The following VPS53 variants were observed in gnomAD, a reference collection of about 807,000 sequenced individuals.
VPS53 encodes vacuolar protein sorting-associated protein 53 homolog.
Under a neutral mutation model 107.0 loss-of-function variants are expected in VPS53, and 70 were observed. The observed-to-expected ratio is 0.65, with a 90% CI of 0.54 to 0.80. The LOEUF is 0.80. VPS53 is among the 30% of genes least tolerant of loss of function. VPS53 has a pLI of 0.00. For synonymous variants in VPS53, 409 were observed against 393.3 expected (o/e 1.04, Z -0.47); for missense variants, 917 against 1,049.4 (o/e 0.87, Z 1.74).
In VPS53 at chr17:714,763, G is replaced by A; in HGVS notation, c.-54C>T. ...GCCGCGAGCCCAACTCAGGCCTCCA[G>A]CCGCCACCCAGGCCCCAGCACAGCA... On this transcript the variant is annotated 5_prime_UTR_variant, in exon 1 of 22. Coordinates refer to ENST00000437048, the MANE Select transcript of VPS53 (RefSeq NM_001128159.3). The A allele has an allele frequency of 1.3e-6, 2 of 1,597,760 alleles. No homozygotes were observed. The highest frequency in any genetic ancestry group is 1.7e-6 in the Non-Finnish European group (2 of 1,166,362).
chr17:570,437 G>A (rs1913938534), intron 13 of VPS53, among the ~76,000 whole-genome samples: 1 of 150,372 alleles, frequency 6.7e-6, no homozygotes, highest in Non-Finnish European at 1.5e-5. Flanking sequence ...GGCATTCTGT[G>A]CCTCCTGATA....
intron 15 of VPS53, among the ~76,000 whole-genome samples, chr17:558,701 C>A (rs1188184208): frequency 6.6e-6 from 1 of 150,884 alleles, no homozygotes; most frequent in Non-Finnish European, 1.5e-5. Context: ...AGTTATGGTA[C>A]AAGGCCGGGC....
chr17:680,156 T>A (rs886163961), intron 4 of VPS53, among the ~76,000 whole-genome samples: 1 of 152,166 alleles, frequency 6.6e-6, no homozygotes, highest in African/African-American at 2.4e-5. Context: ...TAGCCGGTCA[T>A]GGTAGCAGGC....
At chr17:642,636 G>T (rs406180) in intron 7 of VPS53, among the ~76,000 whole-genome samples, 1 of 137,242 alleles carries the variant, frequency 7.3e-6, no homozygotes, top group Admixed American at 7.3e-5. Flanking sequence ...TACTTGGAAA[G>T]CGAGGACAAC....
intron 7 of VPS53, among the ~76,000 whole-genome samples, chr17:650,243 C>G (rs912009966): frequency 6.6e-6 from 1 of 152,136 alleles, no homozygotes; most frequent in East Asian, 1.9e-4. Flanking sequence ...GCTTGTAATC[C>G]CAGCACTTTG....
intron 12 of VPS53, among the ~76,000 whole-genome samples, chr17:588,269 G>T (rs1967434243): frequency 6.6e-6 from 1 of 152,164 alleles, no homozygotes. Flanking sequence ...AGTGAGCCGA[G>T]ATTGCACCAC....
intron 12 of VPS53, among the ~76,000 whole-genome samples, chr17:599,121 G>A (rs1238420326): frequency 1.6e-4 from 23 of 148,168 alleles, no homozygotes; most frequent in Non-Finnish European, 3.0e-5. Flanking sequence ...CCGTCCGGGA[G>A]GGAGGTGGGG....
chr17:533,143 T>C (rs909963126), intron 18 of VPS53: 31 of 623,016 alleles, frequency 5.0e-5, no homozygotes, highest in African/African-American at 5.0e-4. Flanking sequence ...AGACTCCCAG[T>C]GAACTCTAAC....
chr17:713,522 G>T (rs1048979486), intron 1 of VPS53, among the ~76,000 whole-genome samples: 1 of 150,454 alleles, frequency 6.6e-6, no homozygotes, highest in Non-Finnish European at 1.5e-5. Flanking sequence ...GCATGGTAGC[G>T]GTTGCCTGTA....
chr17:520,689 C>G lies in VPS53; in HGVS notation c.2224-759G>C, dbSNP rs182069714. On this transcript the variant is annotated intron_variant, in intron 20 of 21. Coordinates refer to ENST00000437048, the MANE Select transcript of VPS53 (RefSeq NM_001128159.3). The surrounding 1 kb of genome is among the most constrained non-coding windows in gnomAD (Gnocchi z 4.4). ...GGCGAGGAGGAGTTCACTCAGGCAT[C>G]CTCTGCCGATAATTCCCAGACCACA... Among the ~76,000 whole-genome samples, 1 of 152,176 alleles carries G rather than the reference C, an allele frequency of 6.6e-6. No homozygotes were observed. The highest frequency in any genetic ancestry group is 2.4e-5 in the African/African-American group (1 of 41,544).
intron 4 of VPS53, among the ~76,000 whole-genome samples, chr17:666,793 C>T (rs1436763529): frequency 2.0e-5 from 3 of 152,106 alleles, no homozygotes; most frequent in Non-Finnish European, 4.4e-5. Flanking sequence ...GTGGTGTGCA[C>T]CTGTAATCCC....
chr17:574,983 G>C (rs1284408507), intron 13 of VPS53, among the ~76,000 whole-genome samples: 2 of 152,194 alleles, frequency 1.3e-5, no homozygotes, highest in African/African-American at 2.4e-5. Flanking sequence ...GTAGAAGACA[G>C]GGTGCTCTCA....
chr17:563,250 G>T (rs1165464049), intron 13 of VPS53, among the ~76,000 whole-genome samples: 1 of 144,232 alleles, frequency 6.9e-6, no homozygotes, highest in Non-Finnish European at 1.5e-5. Flanking sequence ...CAGGTATTAT[G>T]TCCATGCTTT....
chr17:556,354 G>A lies in VPS53; in HGVS notation c.1705-2892C>T, dbSNP rs1414912504. On this transcript the variant is annotated intron_variant, in intron 15 of 21. Transcript: ENST00000437048. ...CAACACCAATAATACATCATTATTG[G>A]TTCATTAATTGTAACAAATATTTCA... 2.0e-5 allele frequency among the ~76,000 whole-genome samples: 3 copies of A among 152,242 alleles called. No homozygotes were observed. In the South Asian group the frequency reaches 6.2e-4, roughly 32 times the overall value.
chr17:697,554 T>G, intron 3 of VPS53, 70 bp from the exon 4 acceptor site: 2 of 1,309,306 alleles, frequency 1.5e-6, no homozygotes, highest in Middle Eastern at 1.8e-4. Context: ...AGAAAAAAAG[T>G]AAAAAGTAAT....
chr17:554,234 T>A (rs1253919179), intron 15 of VPS53, among the ~76,000 whole-genome samples: 1 of 152,060 alleles, frequency 6.6e-6, no homozygotes, highest in African/African-American at 2.4e-5. Context: ...ACAAAAGAAA[T>A]GTGGTCCCTG....
chr17:664,779 C>A (rs920020888), intron 4 of VPS53, among the ~76,000 whole-genome samples: 3 of 152,110 alleles, frequency 2.0e-5, no homozygotes, highest in Non-Finnish European at 4.4e-5. Flanking sequence ...CGGGAAGACG[C>A]CGAGCGATTC....
rs573240559 is a variant in VPS53, at chr17:711,978, G to A, written c.88-1365C>T. On this transcript the variant is annotated intron_variant, in intron 1 of 21. Coordinates refer to ENST00000437048, the MANE Select transcript of VPS53 (RefSeq NM_001128159.3). Reference sequence around the variant, plus strand: ...ACTACAGGCGCTCGCCACCATACCCGGCTTATTTTTTGTGTTTTTAGTAGA... The same window carrying A: ...ACTACAGGCGCTCGCCACCATACCCAGCTTATTTTTTGTGTTTTTAGTAGA... 3.8e-4 allele frequency among the ~76,000 whole-genome samples: 58 copies of A among 151,988 alleles called. 1 individual carries two copies. Among genetic ancestry groups the A allele is most frequent in the African/African-American group, 6.0e-4 (25 of 41,424 alleles).
At position 518,285 on chromosome 17, in the gene VPS53, G is replaced by C. The variant is rs534495182; in HGVS notation, c.*843C>G. The C allele has an allele frequency of 2.5e-5, 2 of 80,994 alleles. No homozygotes were observed. The highest frequency in any genetic ancestry group is 9.2e-5 in the African/African-American group (1 of 10,924). 5.0% of individuals were successfully genotyped at this position (80,994 alleles called of 1,614,324 possible). ...AGAGCCCGCGGTGGACAGGAAGGGCGGGGGGGGCGGGCAGGCTGCGTGCCA... is the reference window on the plus strand; with the variant it reads ...AGAGCCCGCGGTGGACAGGAAGGGCCGGGGGGGCGGGCAGGCTGCGTGCCA... On this transcript the variant is annotated 3_prime_UTR_variant, in exon 22 of 22. Transcript: ENST00000437048.
Sources: allele counts gnomAD v4.1 joint callset (sites outside exome capture counted in the v4.1 genomes callset), GRCh38; gene constraint gnomAD v4.1.1; non-coding constraint Gnocchi (gnomAD v3.1); transcripts MANE v1.5; gene names NCBI Gene and HGNC (gene_info 2026-07-23, HGNC 2026-07-21).